DKK3: variants seen among roughly 807,000 people sequenced by gnomAD.
The protein encoded by DKK3 is dickkopf-related protein 3.
DKK3 carries 22 observed loss-of-function variants against 33.2 expected under a neutral mutation model. That is an observed-to-expected ratio of 0.66 (90% CI 0.47 to 0.95). The LOEUF is 0.95. Ranked by LOEUF, DKK3 falls within the 40% of genes least tolerant of loss-of-function variation. The pLI is 0.00. For synonymous variants in DKK3, 194 were observed against 188.8 expected (o/e 1.03, Z -0.23); for missense variants, 398 against 458.4 (o/e 0.87, Z 1.20).
rs1029872449 is a variant in DKK3 at position 12,008,276 on chromosome 11, G to C, written c.213+94C>G. On this transcript the variant is annotated intron_variant, in intron 1 of 6. Transcript: ENST00000683431. This position sits in a 1 kb window ranked among gnomAD's most constrained non-coding sequence, Gnocchi z 4.6. ...CCTTCCCAGGCCCTGCGCGGGACCC[G>C]AGGTCCCTGGCCAGCGCTCTTCCAT... 3 of 1,443,362 alleles carry C rather than the reference G, an allele frequency of 2.1e-6. No individual in the cohort carries two copies. The African/African-American group carries it at 4.3e-5, about 21-fold the overall frequency. 89.4% of individuals were successfully genotyped at this position (1,443,362 alleles called of 1,614,324 possible).
At chr11:11,985,888 C>T (rs1848060603) in intron 3 of DKK3, among the ~76,000 whole-genome samples, 1 of 152,240 alleles carries the variant, frequency 6.6e-6, no homozygotes, top group African/African-American at 2.4e-5. Flanking sequence ...ACAAGGCAAG[C>T]ACTGAGTATG....
chr11:11,977,887 T>C (rs1847869028), intron 3 of DKK3, among the ~76,000 whole-genome samples: 1 of 152,206 alleles, frequency 6.6e-6, no homozygotes, highest in Non-Finnish European at 1.5e-5. Flanking sequence ...CTCATGAGGT[T>C]ATTGGACAGA....
Position 11,964,436 on chromosome 11 carries a change from G to A in DKK3, c.*28C>T. ...GGGAAATAAATTAGCTATTTCTATT[G>A]CACATCTACCCACAGCCTGGTCCAG... is the stretch of plus-strand genomic sequence containing the variant. On this transcript the variant is annotated 3_prime_UTR_variant, in exon 7 of 7. Transcript: ENST00000683431. 2 of 1,601,276 alleles carry A rather than the reference G, an allele frequency of 1.2e-6. No homozygotes were observed. Among genetic ancestry groups the A allele is most frequent in the South Asian group, 1.1e-5 (1 of 90,960 alleles).
At chr11:11,989,829 C>T (rs1935038119) in intron 3 of DKK3, among the ~76,000 whole-genome samples, 1 of 152,172 alleles carries the variant, frequency 6.6e-6, no homozygotes, top group African/African-American at 2.4e-5. Context: ...TTTTTTAGTA[C>T]TGGCTCAGCC....
Position 11,963,339 on chromosome 11 carries a change from T to A in DKK3, c.*1125A>T, listed in dbSNP as rs1351442644. 6.6e-6 allele frequency: 1 copy of A among 152,422 alleles called. No individual in the cohort carries two copies. Among genetic ancestry groups the A allele is most frequent in the African/African-American group, 2.4e-5 (1 of 41,462 alleles). 9.4% of individuals were successfully genotyped at this position (152,422 alleles called of 1,614,324 possible). A position where few individuals can be genotyped will look rare whatever the true frequency, so the allele number is the denominator to read the frequency against. On this transcript the variant is annotated 3_prime_UTR_variant, in exon 7 of 7. Transcript: ENST00000683431. ...CATGTTTCACACAGCCCTGCTCGGT[T>A]TGATTTTCTCCACGTGGTTGATAAT... is the stretch of plus-strand genomic sequence containing the variant.
At chr11:11,965,411 G>A (rs1403658481) in intron 6 of DKK3, among the ~76,000 whole-genome samples, 1 of 152,222 alleles carries the variant, frequency 6.6e-6, no homozygotes, top group Non-Finnish European at 1.5e-5. Context: ...GCCTCAGACA[G>A]TGTGGGCTGC....
At chr11:11,984,766 G>A (rs1370266338) in intron 3 of DKK3, among the ~76,000 whole-genome samples, 2 of 152,074 alleles carry the variant, frequency 1.3e-5, no homozygotes, top group Non-Finnish European at 2.9e-5. Context: ...CCCCTGGCAG[G>A]GCTGCTGGGT....
intron 3 of DKK3, among the ~76,000 whole-genome samples, chr11:11,996,607 C>T (rs964447329): frequency 1.3e-5 from 2 of 152,204 alleles, no homozygotes; most frequent in African/African-American, 4.8e-5. Flanking sequence ...CAGATGCCCC[C>T]GGTCTCCCTT....
At chr11:12,000,144 CT>C (rs147333474) in intron 2 of DKK3, among the ~76,000 whole-genome samples, 2 of 152,246 alleles carry the variant, frequency 1.3e-5, no homozygotes, top group East Asian at 3.9e-4. Context: ...TACTACTGAG[CT>C]TTTCTTCTAT....
At chr11:11,999,810 G>C (rs1224080315) in intron 2 of DKK3, among the ~76,000 whole-genome samples, 1 of 152,228 alleles carries the variant, frequency 6.6e-6, no homozygotes, top group African/African-American at 2.4e-5. Flanking sequence ...CATCTTTAAG[G>C]TCTCTGCCAG....
intron 3 of DKK3, among the ~76,000 whole-genome samples, chr11:11,996,192 A>G (rs1183978715): frequency 6.6e-6 from 1 of 152,226 alleles, no homozygotes; most frequent in African/African-American, 2.4e-5. Flanking sequence ...GCAGTGTGTA[A>G]TGCATTTCAG....
At chr11:12,006,734 G>C (rs1848544242) in intron 1 of DKK3, among the ~76,000 whole-genome samples, 1 of 152,210 alleles carries the variant, frequency 6.6e-6, no homozygotes, top group Non-Finnish European at 1.5e-5. Context: ...GACTGAAGAG[G>C]CCCTTGCTGC....
intron 3 of DKK3, among the ~76,000 whole-genome samples, chr11:11,987,665 G>A (rs1054719754): frequency 6.6e-6 from 1 of 152,238 alleles, no homozygotes; most frequent in African/African-American, 2.4e-5. Context: ...TGGTTCAGAG[G>A]AGTTCAGGGG....
chr11:11,988,039 C>T (rs921059450), intron 3 of DKK3, among the ~76,000 whole-genome samples: 2 of 152,222 alleles, frequency 1.3e-5, no homozygotes, highest in African/African-American at 2.4e-5. Flanking sequence ...TCATTAAATC[C>T]TCTTTTCACA....
In DKK3 at chr11:11,964,122, C is replaced by T. The variant is rs957712704; in HGVS notation, c.*342G>A. ...CAAAACCAATCAGAGGGAGACTCCA[C>T]ATTGTTTCCATCTCCTCCCCTCAAA... On this transcript the variant is annotated 3_prime_UTR_variant, in exon 7 of 7. Coordinates refer to ENST00000683431, the MANE Select transcript of DKK3 (RefSeq NM_001018057.2). 2 of 277,610 alleles carry T rather than the reference C, an allele frequency of 7.2e-6. No individual in the cohort carries two copies. Among genetic ancestry groups the T allele is most frequent in the Non-Finnish European group, 1.4e-5 (2 of 147,752 alleles). 17.2% of individuals were successfully genotyped at this position (277,610 alleles called of 1,614,324 possible). A position where few individuals can be genotyped will look rare whatever the true frequency, so the allele number is the denominator to read the frequency against.
chr11:12,008,637 G>T, upstream of DKK3: 1 of 1,311,960 alleles, frequency 7.6e-7, no homozygotes, highest in Non-Finnish European at 9.6e-7. This position sits in a 1 kb window ranked among gnomAD's most constrained non-coding sequence, Gnocchi z 4.6. Flanking sequence ...GATCAGAGGC[G>T]CGCGGACCAC....
chr11:11,971,169 G>A (rs1282241636), intron 3 of DKK3, among the ~76,000 whole-genome samples: 2 of 151,882 alleles, frequency 1.3e-5, no homozygotes, highest in East Asian at 3.9e-4. Context: ...CTGAGAACAA[G>A]TGTGTTTAAG....
chr11:11,989,751 T>C (rs1348043170), intron 3 of DKK3, among the ~76,000 whole-genome samples: 35 of 152,248 alleles, frequency 2.3e-4, no homozygotes, highest in Non-Finnish European at 1.5e-5. Flanking sequence ...TTTTTGTATG[T>C]TGCATTAAGA....
upstream of DKK3, chr11:12,008,635 G>C: frequency 7.6e-7 from 1 of 1,316,972 alleles, no homozygotes; most frequent in Non-Finnish European, 9.6e-7. The surrounding 1 kb of genome is among the most constrained non-coding windows in gnomAD (Gnocchi z 4.6). Context: ...GCGATCAGAG[G>C]CGCGCGGACC....
Sources: allele counts gnomAD v4.1 joint callset (sites outside exome capture counted in the v4.1 genomes callset), GRCh38; gene constraint gnomAD v4.1.1; non-coding constraint Gnocchi (gnomAD v3.1); transcripts MANE v1.5; gene names NCBI Gene and HGNC (gene_info 2026-07-23, HGNC 2026-07-21).